The following REEP1 variants were observed in gnomAD, a reference collection of about 807,000 sequenced individuals.
REEP1 encodes the protein receptor accessory protein 1.
Under a neutral mutation model 40.3 loss-of-function variants are expected in REEP1, and 22 were observed. The observed-to-expected ratio is 0.55, with a 90% CI of 0.39 to 0.78. REEP1 has a LOEUF of 0.78. Among genes scored for constraint, REEP1 ranks in the 30% least tolerant of loss-of-function variants. REEP1 has a pLI of 0.00. For missense variants in REEP1, 280 were observed against 361.1 expected (o/e 0.78, Z 1.82); for synonymous variants, 116 against 139.2 (o/e 0.83, Z 1.17).
intron 2 of REEP1, among the ~76,000 whole-genome samples, chr2:86,270,458 G>T (rs1176996927): frequency 2.0e-5 from 3 of 152,146 alleles, no homozygotes; most frequent in African/African-American, 7.2e-5. Flanking sequence ...GCCTTCCAAA[G>T]TGCTGGGATT....
chr2:86,306,696 G>A (rs1408628582), intron 1 of REEP1, among the ~76,000 whole-genome samples: 1 of 152,134 alleles, frequency 6.6e-6, no homozygotes, highest in Admixed American at 6.6e-5. Flanking sequence ...TCTCCTAACA[G>A]ATCTCAAAGA....
chr2:86,236,184 C>A (rs1675312033), intron 5 of REEP1, among the ~76,000 whole-genome samples: 1 of 151,740 alleles, frequency 6.6e-6, no homozygotes, highest in Non-Finnish European at 1.5e-5. Flanking sequence ...CCATTGCACT[C>A]CAGCCTGGGC....
rs372717412 is a variant in REEP1 at position 86,293,374 on chromosome 2, T to C, written c.33-11132A>G. Among the ~76,000 whole-genome samples the C allele has an allele frequency of 9.8e-5, 15 of 152,294 alleles. No individual in the cohort carries two copies. In the South Asian group the frequency reaches 1.9e-3, roughly 19 times the overall value. ...TAAGTATGGAAGGAAAGACAAATGATGATGGGCAAAACTACGGAGATAGAA... is the reference window on the plus strand; with the variant it reads ...TAAGTATGGAAGGAAAGACAAATGACGATGGGCAAAACTACGGAGATAGAA... On this transcript the variant is annotated intron_variant, in intron 1 of 8. Transcript: ENST00000538924.
intron 1 of REEP1, among the ~76,000 whole-genome samples, chr2:86,305,532 T>G (rs1164137379): frequency 3.9e-5 from 6 of 152,202 alleles, no homozygotes; most frequent in African/African-American, 1.4e-4. Flanking sequence ...TTGAGAGGCA[T>G]GAAAATCACC....
chr2:86,286,268 C>T (rs1279644664), intron 1 of REEP1, among the ~76,000 whole-genome samples: 2 of 152,162 alleles, frequency 1.3e-5, no homozygotes, highest in African/African-American at 2.4e-5. Context: ...GGGGTGATCT[C>T]GTTTCCCAGG....
At chr2:86,280,799 G>T (rs1574075613) in intron 2 of REEP1, among the ~76,000 whole-genome samples, 1 of 152,140 alleles carries the variant, frequency 6.6e-6, no homozygotes. Flanking sequence ...GGGGTGGGGG[G>T]TGAGTTCTGG....
intron 4 of REEP1, among the ~76,000 whole-genome samples, chr2:86,252,723 A>G (rs993735129): frequency 6.6e-6 from 1 of 152,180 alleles, no homozygotes; most frequent in African/African-American, 2.4e-5. Context: ...CCCCATTTGT[A>G]TATCGATGGG....
intron 1 of REEP1, among the ~76,000 whole-genome samples, chr2:86,319,962 T>C (rs1259971266): frequency 6.6e-6 from 1 of 152,230 alleles, no homozygotes; most frequent in Non-Finnish European, 1.5e-5. Flanking sequence ...GATTCTTCTC[T>C]ACAGCTTTCA....
intron 1 of REEP1, among the ~76,000 whole-genome samples, chr2:86,298,659 C>T (rs1328361675): frequency 6.6e-6 from 1 of 152,216 alleles, no homozygotes; most frequent in Non-Finnish European, 1.5e-5. Context: ...TACCCTCCAC[C>T]CTGCATCCAG....
At chr2:86,271,943 C>T (rs1174206545) in intron 2 of REEP1, among the ~76,000 whole-genome samples, 2 of 152,196 alleles carry the variant, frequency 1.3e-5, no homozygotes, top group Admixed American at 1.3e-4. Context: ...CTCTCCTTGG[C>T]CAGGCGTGGT....
chr2:86,266,492 G>A (rs10204978), intron 2 of REEP1, among the ~76,000 whole-genome samples: 5,764 of 150,656 alleles, frequency 0.038, 382 homozygotes, highest in African/African-American at 0.13. Flanking sequence ...GGTGGCCGGC[G>A]CCTGTAGTCC....
Position 86,295,228 on chromosome 2 carries a change from C to T in REEP1, c.33-12986G>A, listed in dbSNP as rs550478138. Among the ~76,000 whole-genome samples, 45 of 152,252 alleles carry T rather than the reference C, an allele frequency of 3.0e-4. No homozygotes were observed. In the South Asian group the frequency reaches 7.5e-3, roughly 25 times the overall value. On this transcript the variant is annotated intron_variant, in intron 1 of 8. Coordinates refer to ENST00000538924, the MANE Select transcript of REEP1 (RefSeq NM_001371279.1). ...GGCTGGAAGTTCTGGACCTTGCTCC[C>T]GAGTTGGCCAACCTGGGGAAGAAGG...
At chr2:86,248,433 A>G (rs930158171) in intron 5 of REEP1, among the ~76,000 whole-genome samples, 13 of 151,808 alleles carry the variant, frequency 8.6e-5, no homozygotes, top group African/African-American at 3.1e-4. Flanking sequence ...TTATTTATTT[A>G]TTTATTTTAT....
intron 1 of REEP1, among the ~76,000 whole-genome samples, chr2:86,310,579 C>T (rs1164910066): frequency 2.6e-5 from 4 of 152,158 alleles, no homozygotes; most frequent in African/African-American, 9.7e-5. Context: ...CATATCATCA[C>T]CTTCTAGGGG....
In REEP1 at chr2:86,216,224, C is replaced by T. The variant is rs866942439; in HGVS notation, c.*815G>A. On this transcript the variant is annotated 3_prime_UTR_variant, in exon 9 of 9. Transcript: ENST00000538924. ...ACCAAGAGTGAGCTACCTGCCTATC[C>T]CTGGAAAAGATTCAGAAGCTCCTAA... The T allele has an allele frequency of 2.6e-5, 4 of 152,258 alleles. No individual in the cohort carries two copies. The East Asian group carries it at 7.7e-4, about 29-fold the overall frequency. 9.4% of individuals were successfully genotyped at this position (152,258 alleles called of 1,614,324 possible).
intron 5 of REEP1, chr2:86,251,718 G>A (rs1676282535): frequency 7.1e-6 from 4 of 564,102 alleles, no homozygotes; most frequent in Non-Finnish European, 9.5e-6. Flanking sequence ...ACGCACAGAT[G>A]AGCTTCAGGG....
At chr2:86,300,541 G>A (rs1432881874) in intron 1 of REEP1, among the ~76,000 whole-genome samples, 1 of 152,194 alleles carries the variant, frequency 6.6e-6, no homozygotes, top group Non-Finnish European at 1.5e-5. Flanking sequence ...TCTAGGGTGA[G>A]AGAGAGTCAG....
chr2:86,223,680 G>A (rs540518084), intron 7 of REEP1: 4 of 152,030 alleles, frequency 2.6e-5, no homozygotes, highest in African/African-American at 9.7e-5. Flanking sequence ...ACCTCAGGCA[G>A]CTCCTCCTGC....
intron 3 of REEP1, among the ~76,000 whole-genome samples, chr2:86,255,873 C>G (rs1165992625): frequency 1.3e-5 from 2 of 152,154 alleles, no homozygotes; most frequent in African/African-American, 4.8e-5. Context: ...GCCCCATTCA[C>G]CTGCTTGGCC....
Sources: allele counts gnomAD v4.1 joint callset (sites outside exome capture counted in the v4.1 genomes callset), GRCh38; gene constraint gnomAD v4.1.1; transcripts MANE v1.5; gene names NCBI Gene and HGNC (gene_info 2026-07-23, HGNC 2026-07-21).